The following FUT9 variants were observed in gnomAD, a reference collection of about 807,000 sequenced individuals.
FUT9 encodes the protein 4-galactosyl-N-acetylglucosaminide 3-alpha-L-fucosyltransferase 9.
In FUT9, 15 loss-of-function variants were observed where a neutral mutation model predicts 29.7. The observed-to-expected ratio is 0.51, with a 90% CI of 0.34 to 0.78. The LOEUF is 0.78. Ranked by LOEUF, FUT9 falls within the 30% of genes least tolerant of loss-of-function variation. FUT9 has a pLI of 0.01. For synonymous variants in FUT9, 169 were observed against 153.7 expected, an observed-to-expected ratio of 1.10 and a Z score of -0.74; for missense variants, 319 against 425.4, an observed-to-expected ratio of 0.75 and a Z score of 2.20.
chr6:96,041,005 C>A (rs540219220), intron 1 of FUT9, among the ~76,000 whole-genome samples: 44 of 152,102 alleles, frequency 2.9e-4, no homozygotes, highest in Non-Finnish European at 4.9e-4. Context: ...GACTGCCCGC[C>A]CCCTTTCCTC....
intron 2 of FUT9, among the ~76,000 whole-genome samples, chr6:96,131,563 TA>T (rs1772245014): frequency 6.6e-6 from 1 of 152,150 alleles, no homozygotes; most frequent in Admixed American, 6.5e-5. Context: ...GAAAGTTTTA[TA>T]GACAGCTTAT....
intron 2 of FUT9, among the ~76,000 whole-genome samples, chr6:96,131,700 C>T (rs1001265651): frequency 2.6e-5 from 4 of 152,046 alleles, no homozygotes; most frequent in South Asian, 2.1e-4. Flanking sequence ...CTCATAAGTA[C>T]CCCAAAGAAA....
Position 96,212,846 on chromosome 6 carries a change from A to C in FUT9, c.*8611A>C, listed in dbSNP as rs1582315358. 1 of 166,832 alleles carries C rather than the reference A, an allele frequency of 6.0e-6. No homozygotes were observed. Among genetic ancestry groups the C allele is most frequent in the East Asian group, 1.9e-4 (1 of 5,186 alleles). 10.3% of individuals were successfully genotyped at this position (166,832 alleles called of 1,614,324 possible). Reference sequence around the variant, plus strand: ...AGTTCACAAAGCGGCAAAAAGGAGAAAAGTGTCAACAAGAAACAAGAAGAG... The same window carrying C: ...AGTTCACAAAGCGGCAAAAAGGAGACAAGTGTCAACAAGAAACAAGAAGAG... On this transcript the variant is annotated 3_prime_UTR_variant, in exon 3 of 3. Transcript: ENST00000302103.
At chr6:96,074,078 T>A (rs1771106373) in intron 1 of FUT9, among the ~76,000 whole-genome samples, 1 of 152,190 alleles carries the variant, frequency 6.6e-6, no homozygotes, top group Non-Finnish European at 1.5e-5. Context: ...TTAGCCCAGA[T>A]GATTCCAGTT....
intron 1 of FUT9, among the ~76,000 whole-genome samples, chr6:96,061,482 C>T (rs1219807198): frequency 6.6e-6 from 1 of 151,598 alleles, no homozygotes; most frequent in African/African-American, 2.4e-5. Context: ...TTGCCTTTCC[C>T]AAAAATGCAT....
intron 1 of FUT9, among the ~76,000 whole-genome samples, chr6:96,070,686 C>CA (rs1026642564): frequency 8.0e-5 from 12 of 149,674 alleles, no homozygotes; most frequent in South Asian, 6.3e-4. Flanking sequence ...AACCCCATCT[C>CA]AAAAAAAAAT....
At chr6:96,106,212 A>ATT (rs1234861025) in intron 1 of FUT9, among the ~76,000 whole-genome samples, 2 of 11,364 alleles carry the variant, frequency 1.8e-4, no homozygotes, top group Non-Finnish European at 1.2e-3. Context: ...CAATCCATCA[A>ATT]CCCTTCCTTC....
At chr6:96,182,405 T>G (rs1773326005) in intron 2 of FUT9, among the ~76,000 whole-genome samples, 1 of 152,076 alleles carries the variant, frequency 6.6e-6, no homozygotes, top group African/African-American at 2.4e-5. Context: ...CCTTTTCCCA[T>G]GCAAAAGGTC....
intron 2 of FUT9, among the ~76,000 whole-genome samples, chr6:96,166,041 C>T (rs1773010306): frequency 6.6e-6 from 1 of 151,948 alleles, no homozygotes; most frequent in Non-Finnish European, 1.5e-5. Flanking sequence ...TATGGTGATT[C>T]AGCCCCAGGA....
At chr6:96,018,010 C>T (rs921754046) in intron 1 of FUT9, among the ~76,000 whole-genome samples, 12 of 152,118 alleles carry the variant, frequency 7.9e-5, no homozygotes, top group African/African-American at 2.9e-4. Flanking sequence ...TTGTGTAAGA[C>T]ATAGGCAGAA....
intron 2 of FUT9, among the ~76,000 whole-genome samples, chr6:96,168,462 C>T (rs1303176120): frequency 1.3e-5 from 2 of 152,026 alleles, no homozygotes; most frequent in Non-Finnish European, 2.9e-5. Context: ...GGCATCTTGA[C>T]CTAAGAGCAG....
intron 1 of FUT9, among the ~76,000 whole-genome samples, chr6:96,052,719 G>A (rs1770692162): frequency 6.6e-6 from 1 of 152,072 alleles, no homozygotes; most frequent in Non-Finnish European, 1.5e-5. Flanking sequence ...GAAAGATGTT[G>A]GGGAAATGAC....
intron 1 of FUT9, among the ~76,000 whole-genome samples, chr6:96,049,922 T>A (rs939039378): frequency 1.4e-4 from 21 of 152,170 alleles, no homozygotes; most frequent in Non-Finnish European, 2.4e-4. Context: ...CATTTATTCC[T>A]CATAATCATT....
intron 2 of FUT9, among the ~76,000 whole-genome samples, chr6:96,159,646 A>G (rs1398555253): frequency 1.3e-5 from 2 of 152,124 alleles, no homozygotes; most frequent in Non-Finnish European, 2.9e-5. Context: ...AGCCCCCTTC[A>G]TGCTTTCAAC....
intron 1 of FUT9, among the ~76,000 whole-genome samples, chr6:96,112,821 CT>C (rs1771835419): frequency 6.6e-6 from 1 of 152,156 alleles, no homozygotes; most frequent in Admixed American, 6.5e-5. Context: ...GTGGCATTAT[CT>C]TAAAGAGAAA....
rs1259300523 is a variant in FUT9 at position 96,209,403 on chromosome 6, C to T, written c.*5168C>T. ...TTAACTGACATTCCTCCTGTATTTC[C>T]TCCCTCCCCTTAGTTGTCTATGACT... On this transcript the variant is annotated 3_prime_UTR_variant, in exon 3 of 3. Coordinates refer to ENST00000302103, the MANE Select transcript of FUT9 (RefSeq NM_006581.4). 4 of 166,792 alleles carry T rather than the reference C, an allele frequency of 2.4e-5. No individual in the cohort carries two copies. The highest frequency in any genetic ancestry group is 5.9e-5 in the Non-Finnish European group (4 of 68,020). 10.3% of individuals were successfully genotyped at this position (166,792 alleles called of 1,614,324 possible). A position where few individuals can be genotyped will look rare whatever the true frequency, so the allele number is the denominator to read the frequency against.
chr6:96,195,842 G>T (rs1411274632), intron 2 of FUT9, among the ~76,000 whole-genome samples: 1 of 152,086 alleles, frequency 6.6e-6, no homozygotes, highest in African/African-American at 2.4e-5. Context: ...GCAGAATCCT[G>T]TACTAATACT....
At position 96,035,679 on chromosome 6, in the gene FUT9, ATAT is replaced by A. The variant is rs572549390; in HGVS notation, c.-98+19471_-98+19473del. Among the ~76,000 whole-genome samples the A allele has an allele frequency of 9.3e-4, 127 of 137,066 alleles. 1 individual carries two copies. In the East Asian group the frequency reaches 0.019, roughly 20 times the overall value. 89.9% of individuals were successfully genotyped at this position (137,066 alleles called of 152,430 possible). A position where few individuals can be genotyped will look rare whatever the true frequency, so the allele number is the denominator to read the frequency against. On this transcript the variant is annotated intron_variant, in intron 1 of 2. Transcript: ENST00000302103. The stretch of plus-strand genomic sequence containing the variant: ...TAATATAATATTATATTAAAATATA[ATAT>A]TATATTTATTATACTAATAAATATA...
At chr6:96,016,674 G>C (rs551296795) in intron 1 of FUT9, among the ~76,000 whole-genome samples, 1 of 152,064 alleles carries the variant, frequency 6.6e-6, no homozygotes, top group Non-Finnish European at 1.5e-5. Context: ...CCTGGCTCTC[G>C]AGCCCGACTG....
Sources: gnomAD v4.1 joint callset for allele counts (sites outside exome capture counted in the v4.1 genomes callset) on GRCh38, gnomAD v4.1.1 for gene constraint, MANE v1.5 for transcripts, NCBI Gene and HGNC (gene_info 2026-07-23, HGNC 2026-07-21) for gene names.